Variants in LPGAT1 observed in about 807,000 individuals in gnomAD.
The protein encoded by LPGAT1 is acyl-CoA:lysophosphatidylglycerol acyltransferase 1.
A neutral mutation model predicts 47.5 loss-of-function variants in LPGAT1; 11 were observed. The observed-to-expected ratio is 0.23, with a 90% CI of 0.15 to 0.38. The LOEUF is 0.38. LPGAT1 is among the 10% of genes least tolerant of loss of function. The pLI, the probability that LPGAT1 is intolerant of heterozygous loss-of-function variation, is 1.00. For missense variants in LPGAT1, 293 were observed against 439.0 expected (o/e 0.67, Z 2.97); for synonymous variants, 138 against 144.2 (o/e 0.96, Z 0.31).
In LPGAT1 at chr1:211,745,132, AACCAGATCC is replaced by A. The variant is rs1405627181; in HGVS notation, c.*4758_*4766del. Reference sequence around the variant, plus strand: ...CAAAATCATCCCAAATGCATTCATAAACCAGATCCACGTGTGACCAGCCCTTTACAAAAA... The same window carrying A: ...CAAAATCATCCCAAATGCATTCATAAACGTGTGACCAGCCCTTTACAAAAA... On this transcript the variant is annotated 3_prime_UTR_variant, in exon 8 of 8. Transcript: ENST00000366997. 6.6e-6 allele frequency: 1 copy of A among 152,632 alleles called. No homozygotes were observed. Among genetic ancestry groups the A allele is most frequent in the Non-Finnish European group, 1.5e-5 (1 of 68,036 alleles). The allele number at this position is 152,632 out of a possible 1,614,324, so 9.5% of individuals were successfully genotyped here. A position where few individuals can be genotyped will look rare whatever the true frequency, so the allele number is the denominator to read the frequency against.
At chr1:211,826,005 G>C (rs1486048038) in intron 2 of LPGAT1, among the ~76,000 whole-genome samples, 1 of 151,946 alleles carries the variant, frequency 6.6e-6, no homozygotes. Context: ...TACTACTTTA[G>C]TAGCAAGCCG....
Position 211,811,742 on chromosome 1 carries a change from C to T in LPGAT1, c.238+17317G>A, listed in dbSNP as rs376183294. On this transcript the variant is annotated intron_variant, in intron 2 of 7. Coordinates refer to ENST00000366997, the MANE Select transcript of LPGAT1 (RefSeq NM_014873.3). ...ACCCGCCACTGCACTCCAGCCTGGGCGACAGAGTGAGACTCTGCCATCCCG... is the reference window on the plus strand; with the variant it reads ...ACCCGCCACTGCACTCCAGCCTGGGTGACAGAGTGAGACTCTGCCATCCCG... Among the ~76,000 whole-genome samples the T allele has an allele frequency of 2.2e-3, 312 of 143,290 alleles. 1 individual carries two copies. Among genetic ancestry groups the T allele is most frequent in the African/African-American group, 7.5e-3 (300 of 39,914 alleles). The allele number at this position is 143,290 out of a possible 152,430, so 94.0% of individuals were successfully genotyped here.
intron 6 of LPGAT1, among the ~76,000 whole-genome samples, chr1:211,776,568 T>C (rs1472385066): frequency 6.6e-6 from 1 of 152,070 alleles, no homozygotes; most frequent in Non-Finnish European, 1.5e-5. Flanking sequence ...CCCAGCTATA[T>C]ACCAAAATCA....
intron 6 of LPGAT1, among the ~76,000 whole-genome samples, chr1:211,774,132 C>CTTTTTTTTTTT (rs67342051): frequency 0.18 from 11,761 of 66,740 alleles, 3,722 homozygotes; most frequent in East Asian, 0.42. Flanking sequence ...TTTTAAAAGT[C>CTTTTTTTTTTT]TTTTTTTTTT....
At chr1:211,829,897 G>T (rs944222328) in intron 1 of LPGAT1, 1 of 984,788 alleles carries the variant, frequency 1.0e-6, no homozygotes, top group Admixed American at 6.2e-5. Context: ...AAAATGGGGG[G>T]CCTAGAAAAA....
chr1:211,815,306 A>G (rs375331532), intron 2 of LPGAT1, among the ~76,000 whole-genome samples: 127 of 152,258 alleles, frequency 8.3e-4, no homozygotes, highest in African/African-American at 2.9e-3. Flanking sequence ...TCTACCCAGC[A>G]GCTCACACCA....
intron 2 of LPGAT1, among the ~76,000 whole-genome samples, chr1:211,803,409 T>G (rs1477876697): frequency 1.3e-5 from 2 of 152,166 alleles, no homozygotes; most frequent in African/African-American, 4.8e-5. Context: ...CCAGGCTTAG[T>G]GGATAACCAG....
At chr1:211,751,469 G>C (rs1356349804) in intron 6 of LPGAT1, among the ~76,000 whole-genome samples, 1 of 152,172 alleles carries the variant, frequency 6.6e-6, no homozygotes, top group Non-Finnish European at 1.5e-5. Flanking sequence ...TTAAATGTCA[G>C]GCAATATTCT....
intron 2 of LPGAT1, among the ~76,000 whole-genome samples, chr1:211,825,003 A>G (rs1471483881): frequency 6.6e-6 from 1 of 152,076 alleles, no homozygotes; most frequent in African/African-American, 2.4e-5. Context: ...GCCCCCCCCA[A>G]ATAATGCCCC....
At chr1:211,804,318 G>A (rs985013333) in intron 2 of LPGAT1, among the ~76,000 whole-genome samples, 1 of 151,910 alleles carries the variant, frequency 6.6e-6, no homozygotes, top group African/African-American at 2.4e-5. Flanking sequence ...CCACAGTATT[G>A]GGAATACAGG....
intron 3 of LPGAT1, among the ~76,000 whole-genome samples, chr1:211,788,856 G>A (rs1658994464): frequency 6.6e-6 from 1 of 152,022 alleles, no homozygotes; most frequent in South Asian, 2.1e-4. Flanking sequence ...AACAGTAGAT[G>A]TAAACATCAT....
chr1:211,754,811 C>A (rs566779474), intron 6 of LPGAT1, among the ~76,000 whole-genome samples: 2 of 151,096 alleles, frequency 1.3e-5, no homozygotes, highest in Non-Finnish European at 3.0e-5. Flanking sequence ...GTCTGGAGTT[C>A]AAGACCAGCC....
At chr1:211,759,244 G>A (rs1657588833) in intron 6 of LPGAT1, among the ~76,000 whole-genome samples, 1 of 152,036 alleles carries the variant, frequency 6.6e-6, no homozygotes, top group Non-Finnish European at 1.5e-5. Flanking sequence ...GAAGAGTTGT[G>A]TTTAATGTCC....
chr1:211,794,143 A>C (rs1659252933), intron 2 of LPGAT1, among the ~76,000 whole-genome samples: 1 of 152,258 alleles, frequency 6.6e-6, no homozygotes, highest in Non-Finnish European at 1.5e-5. Context: ...ACATTCAGAC[A>C]TAATAATGCA....
At chr1:211,808,072 T>C (rs895089380) in intron 2 of LPGAT1, among the ~76,000 whole-genome samples, 4 of 134,976 alleles carry the variant, frequency 3.0e-5, no homozygotes, top group Non-Finnish European at 3.4e-5. Flanking sequence ...CCCAAGTATA[T>C]AGAAAACTCA....
intron 5 of LPGAT1, among the ~76,000 whole-genome samples, chr1:211,782,846 A>G (rs61828466): frequency 0.12 from 17,719 of 152,260 alleles, 1,262 homozygotes; most frequent in Non-Finnish European, 0.15. Context: ...AAATGAAAAG[A>G]TTAGTTTTTC....
At chr1:211,802,327 C>A (rs552275363) in intron 2 of LPGAT1, among the ~76,000 whole-genome samples, 2 of 151,874 alleles carry the variant, frequency 1.3e-5, no homozygotes, top group African/African-American at 4.8e-5. Flanking sequence ...AGTTTTTCCT[C>A]CCCTACATAG....
At chr1:211,758,539 T>TA (rs770480951) in intron 6 of LPGAT1, among the ~76,000 whole-genome samples, 3 of 151,930 alleles carry the variant, frequency 2.0e-5, no homozygotes, top group Non-Finnish European at 4.4e-5. Flanking sequence ...CCATCTCTAC[T>TA]AAAAATACAA....
rs1199415793 is a variant in LPGAT1, at chr1:211,748,905, T to C, written c.*994A>G. 1 of 152,394 alleles carries C rather than the reference T, an allele frequency of 6.6e-6. No individual in the cohort carries two copies. The highest frequency in any genetic ancestry group is 2.4e-5 in the African/African-American group (1 of 41,446). The allele number at this position is 152,394 out of a possible 1,614,324, so 9.4% of individuals were successfully genotyped here. On this transcript the variant is annotated 3_prime_UTR_variant, in exon 8 of 8. Coordinates refer to ENST00000366997, the MANE Select transcript of LPGAT1 (RefSeq NM_014873.3). ...TAAACTAGCCTATTTCCCCTTAAAC[T>C]GATCATTTAAATGTTCTATAGTAAT... is the stretch of plus-strand genomic sequence containing the variant.
Sources: allele counts gnomAD v4.1 joint callset (sites outside exome capture counted in the v4.1 genomes callset), GRCh38; gene constraint gnomAD v4.1.1; transcripts MANE v1.5; gene names NCBI Gene and HGNC (gene_info 2026-07-23, HGNC 2026-07-21).